The following SEMA3A variants were observed in gnomAD, a reference collection of about 807,000 sequenced individuals.
The protein encoded by SEMA3A is semaphorin-3A.
A neutral mutation model predicts 97.9 loss-of-function variants in SEMA3A; 29 were observed. The observed-to-expected ratio is 0.30, with a 90% confidence interval of 0.22 to 0.40. The LOEUF is 0.40. SEMA3A is among the 10% of genes least tolerant of loss of function. The probability of loss-of-function intolerance (pLI) is 1.00; values close to 1 mark genes in which losing one functional copy is unlikely to be tolerated. For missense variants in SEMA3A, 763 were observed against 951.3 expected, an observed-to-expected ratio of 0.80 and a Z score of 2.60; for synonymous variants, 321 against 323.7, an observed-to-expected ratio of 0.99 and a Z score of 0.09.
At chr7:84,484,354 T>A (rs781189673) in intron 1 of SEMA3A, among the ~76,000 whole-genome samples, 1 of 152,168 alleles carries the variant, frequency 6.6e-6, no homozygotes, top group Non-Finnish European at 1.5e-5. Context: ...TTTAAATGCA[T>A]ATATTTTTCT....
At chr7:84,051,993 G>A (rs1326542807) in intron 5 of SEMA3A, among the ~76,000 whole-genome samples, 1 of 151,196 alleles carries the variant, frequency 6.6e-6, no homozygotes, top group Non-Finnish European at 1.5e-5. Flanking sequence ...CTTTGGTTCT[G>A]TTTATATGCT....
chr7:84,040,466 A>C (rs978489194), intron 6 of SEMA3A, among the ~76,000 whole-genome samples: 2 of 152,114 alleles, frequency 1.3e-5, no homozygotes, highest in Non-Finnish European at 2.9e-5. Flanking sequence ...TACCCTGAGC[A>C]CACTAATCTG....
intron 4 of SEMA3A, among the ~76,000 whole-genome samples, chr7:84,106,653 T>C (rs1255514401): frequency 6.6e-6 from 1 of 152,224 alleles, no homozygotes; most frequent in Non-Finnish European, 1.5e-5. Context: ...AATTTCTTCC[T>C]ATAAGATCCA....
chr7:84,387,906 C>T (rs547317337), intron 1 of SEMA3A, among the ~76,000 whole-genome samples: 6 of 152,188 alleles, frequency 3.9e-5, no homozygotes, highest in Admixed American at 2.0e-4. Context: ...TGTTGCTCTT[C>T]GGGGCTTGCT....
chr7:84,305,168 T>A (rs1296083556), intron 3 of SEMA3A, among the ~76,000 whole-genome samples: 1 of 151,172 alleles, frequency 6.6e-6, no homozygotes, highest in Non-Finnish European at 1.5e-5. Context: ...CGCTTTTAAA[T>A]AATTATTTAT....
intron 3 of SEMA3A, among the ~76,000 whole-genome samples, chr7:84,289,040 A>C (rs1163314953): frequency 6.6e-6 from 1 of 152,158 alleles, no homozygotes; most frequent in Non-Finnish European, 1.5e-5. Flanking sequence ...AGCTGTTAAA[A>C]AAAAATATAA....
chr7:84,491,544 C>A (rs1482049367), intron 1 of SEMA3A, among the ~76,000 whole-genome samples: 1 of 152,120 alleles, frequency 6.6e-6, no homozygotes, highest in Non-Finnish European at 1.5e-5. Flanking sequence ...CAAACACATT[C>A]TTTTACATTG....
chr7:83,991,104 G>A (rs922311816), intron 12 of SEMA3A, among the ~76,000 whole-genome samples: 1 of 149,858 alleles, frequency 6.7e-6, no homozygotes, highest in African/African-American at 2.4e-5. Flanking sequence ...GTTCACTCAT[G>A]ATTTGGCTCT....
At chr7:84,192,728 C>G (rs992914871) in intron 1 of SEMA3A, among the ~76,000 whole-genome samples, 1 of 151,770 alleles carries the variant, frequency 6.6e-6, no homozygotes, top group African/African-American at 2.4e-5. Flanking sequence ...GTTTAATTCC[C>G]TATTTTTATT....
intron 3 of SEMA3A, among the ~76,000 whole-genome samples, chr7:84,273,888 C>G (rs146225679): frequency 0.012 from 1,778 of 152,044 alleles, 19 homozygotes; most frequent in Middle Eastern, 0.031. Flanking sequence ...TATCCCTCTT[C>G]AAATGATTTG....
At chr7:84,237,520 A>G (rs55825855) in intron 3 of SEMA3A, among the ~76,000 whole-genome samples, 29,207 of 152,076 alleles carry the variant, frequency 0.19, 3,650 homozygotes, top group Non-Finnish European at 0.29. Context: ...AAGTAATATT[A>G]AATGCTTACA....
chr7:84,185,035 A>G (rs1358547155), intron 1 of SEMA3A, among the ~76,000 whole-genome samples: 1 of 152,182 alleles, frequency 6.6e-6, no homozygotes, highest in Non-Finnish European at 1.5e-5. Context: ...CAAATCCTTT[A>G]TTCTTGTGCT....
chr7:84,464,365 G>T (rs1805937815), intron 1 of SEMA3A, among the ~76,000 whole-genome samples: 2 of 152,192 alleles, frequency 1.3e-5, no homozygotes, highest in South Asian at 2.1e-4. Flanking sequence ...AGAGAAGGTT[G>T]CTTTGAGGAG....
chr7:84,165,519 A>T lies in SEMA3A; in HGVS notation c.112+28956T>A, dbSNP rs192983255. Among the ~76,000 whole-genome samples the T allele has an allele frequency of 2.0e-5, 3 of 152,184 alleles. No homozygotes were observed. In the East Asian group the frequency reaches 5.8e-4, roughly 30 times the overall value. On this transcript the variant is annotated intron_variant, in intron 1 of 16. Coordinates refer to ENST00000265362, the MANE Select transcript of SEMA3A (RefSeq NM_006080.3). ...AAAAAATATTACATATGGTGGGCAC[A>T]TGAGTTCACTTGTAGCATAGCTGGT...
At chr7:84,454,131 T>G (rs1805630348) in intron 1 of SEMA3A, among the ~76,000 whole-genome samples, 1 of 152,226 alleles carries the variant, frequency 6.6e-6, no homozygotes, top group African/African-American at 2.4e-5. Flanking sequence ...TTAAGGCATC[T>G]GAACTCTTTT....
intron 15 of SEMA3A, among the ~76,000 whole-genome samples, chr7:83,976,368 T>C (rs892637896): frequency 6.6e-6 from 1 of 152,168 alleles, no homozygotes; most frequent in African/African-American, 2.4e-5. Flanking sequence ...ACATTGTACA[T>C]TTCAGCCATT....
rs77350299 is a variant in SEMA3A at position 84,071,319 on chromosome 7, A to G, written c.454-10761T>C. Among the ~76,000 whole-genome samples, 1,481 of 152,264 alleles carry G rather than the reference A, an allele frequency of 9.7e-3. 24 individuals are homozygous for G. Among genetic ancestry groups the G allele is most frequent in the African/African-American group, 0.034 (1,404 of 41,562 alleles). On this transcript the variant is annotated intron_variant, in intron 4 of 16. Transcript: ENST00000265362. The stretch of plus-strand genomic sequence containing the variant: ...CCTTAACAGCACACAATATAGAGTC[A>G]GCAGTCAGAGGACCTCCAGGAAGAG...
chr7:84,181,309 T>C (rs1797728896), intron 1 of SEMA3A, among the ~76,000 whole-genome samples: 1 of 136,456 alleles, frequency 7.3e-6, no homozygotes, highest in Non-Finnish European at 1.6e-5. Flanking sequence ...AAACTTTATA[T>C]AATGTTACAA....
At chr7:84,153,840 CCTATTTACATAACA>C (rs1796753029) in intron 1 of SEMA3A, among the ~76,000 whole-genome samples, 1 of 151,996 alleles carries the variant, frequency 6.6e-6, no homozygotes. Flanking sequence ...AAAAATATTT[CCTATTTACATAACA>C]CTATTTGCAT....
Sources: gnomAD v4.1 joint callset for allele counts (sites outside exome capture counted in the v4.1 genomes callset) on GRCh38, gnomAD v4.1.1 for gene constraint, MANE v1.5 for transcripts, NCBI Gene and HGNC (gene_info 2026-07-23, HGNC 2026-07-21) for gene names.